Variants in CLASP1 observed in about 807,000 individuals in gnomAD.
CLASP1 encodes the protein cytoplasmic linker associated protein 1, also known as CLIP-associating protein 1.
Under a neutral mutation model 192.3 loss-of-function variants are expected in CLASP1, and 38 were observed. The ratio of observed to expected loss-of-function variants is 0.20; its 90% CI spans 0.15 to 0.26. The LOEUF (loss-of-function observed/expected upper bound fraction) is 0.26, where lower values mean the gene tolerates loss of function less well. CLASP1 is among the 10% of genes least tolerant of loss of function. CLASP1 has a pLI of 1.00. For synonymous variants in CLASP1, 691 were observed against 712.8 expected (o/e 0.97, Z 0.49); for missense variants, 1,433 against 1,932.5 (o/e 0.74, Z 4.85).
At chr2:121,495,551 C>G (rs1413603340) in intron 8 of CLASP1, among the ~76,000 whole-genome samples, 2 of 151,568 alleles carry the variant, frequency 1.3e-5, no homozygotes, top group East Asian at 3.9e-4. Flanking sequence ...ATCCCAGCTA[C>G]TTGGGAGGCT....
rs2089230921 is a variant in CLASP1 at position 121,465,043 on chromosome 2, A to G, written c.866-2438T>C. Among the ~76,000 whole-genome samples the G allele has an allele frequency of 2.0e-5, 3 of 152,212 alleles. No individual in the cohort carries two copies. The South Asian group carries it at 6.2e-4, about 32-fold the overall frequency. ...CTCAAAATCATAAGAGCTATCTATG[A>G]CAAACCCACAGCCAATATCATGCTG... On this transcript the variant is annotated intron_variant, in intron 9 of 39. Transcript: ENST00000263710.
chr2:121,588,514 T>C (rs2061994802), intron 2 of CLASP1, among the ~76,000 whole-genome samples: 1 of 151,994 alleles, frequency 6.6e-6, no homozygotes. Flanking sequence ...ATAATGAAGA[T>C]CATCAGAAGA....
At chr2:121,560,613 C>G (rs111353159) in intron 2 of CLASP1, among the ~76,000 whole-genome samples, 1 of 152,166 alleles carries the variant, frequency 6.6e-6, no homozygotes, top group Non-Finnish European at 1.5e-5. Flanking sequence ...CTCTGCTCCA[C>G]GGTTATTTCC....
chr2:121,349,076 TA>T (rs1389580231), intron 37 of CLASP1, among the ~76,000 whole-genome samples: 1 of 151,794 alleles, frequency 6.6e-6, no homozygotes, highest in African/African-American at 2.4e-5. Flanking sequence ...CCATCTCTAC[TA>T]AAAATACAAA....
rs977261398 is a variant in CLASP1, at chr2:121,635,170, C to T, written c.-286+14202G>A. Among the ~76,000 whole-genome samples the T allele has an allele frequency of 2.7e-5, 4 of 149,988 alleles. No individual in the cohort carries two copies. The East Asian group carries it at 7.8e-4, about 29-fold the overall frequency. On this transcript the variant is annotated intron_variant, in intron 1 of 39. Transcript: ENST00000263710. ...AGCAGTGAGCTATGATCACACCACA[C>T]TGCACTCCAACACGGGCAACAAAGC...
chr2:121,450,131 A>G (rs962524962), intron 16 of CLASP1, among the ~76,000 whole-genome samples: 2 of 152,252 alleles, frequency 1.3e-5, no homozygotes, highest in Admixed American at 1.3e-4. Context: ...GGAGATCGAG[A>G]CTATCCTGGC....
intron 8 of CLASP1, among the ~76,000 whole-genome samples, chr2:121,482,007 T>G (rs1314075081): frequency 1.3e-5 from 2 of 152,080 alleles, no homozygotes; most frequent in Non-Finnish European, 2.9e-5. Flanking sequence ...GCCAAACAAA[T>G]TTAGAAAGGA....
chr2:121,425,270 C>T (rs1181320491), exon 22 of CLASP1: 1 of 1,612,634 alleles, frequency 6.2e-7, no homozygotes, highest in Non-Finnish European at 8.5e-7. Flanking sequence ...ATAACCACTT[C>T]CCAACAATTT....
chr2:121,402,674 C>T (rs775180365), intron 26 of CLASP1: 2 of 518,656 alleles, frequency 3.9e-6, no homozygotes, highest in East Asian at 1.1e-4. Context: ...CTAGGGGTGA[C>T]AGGTAACAGA....
intron 2 of CLASP1, among the ~76,000 whole-genome samples, chr2:121,549,469 T>A (rs571014200): frequency 2.6e-5 from 4 of 152,098 alleles, no homozygotes; most frequent in Non-Finnish European, 5.9e-5. Context: ...CAAAGAGATT[T>A]ACACTCCCAC....
intron 8 of CLASP1, among the ~76,000 whole-genome samples, chr2:121,495,183 C>T (rs1348341360): frequency 1.3e-5 from 2 of 151,890 alleles, no homozygotes; most frequent in East Asian, 3.9e-4. Flanking sequence ...ATTAGCTGGG[C>T]GTGGTGGCAG....
At chr2:121,528,040 AATG>A (rs2094623367) in intron 4 of CLASP1, 150 bp from the exon 5 acceptor site, 4 of 596,918 alleles carry the variant, frequency 6.7e-6, no homozygotes, top group Non-Finnish European at 1.2e-5. Flanking sequence ...CATACTGGAA[AATG>A]ATGACATCTA....
intron 1 of CLASP1, among the ~76,000 whole-genome samples, chr2:121,610,429 G>C (rs983257828): frequency 6.6e-6 from 1 of 151,006 alleles, no homozygotes; most frequent in Middle Eastern, 3.4e-3. Context: ...ACTAGAGGAG[G>C]AGGAGGAGTT....
At chr2:121,559,124 A>T (rs938260215) in intron 2 of CLASP1, among the ~76,000 whole-genome samples, 10 of 152,198 alleles carry the variant, frequency 6.6e-5, no homozygotes, top group African/African-American at 2.4e-4. Context: ...TGCAAACAAC[A>T]TGGCTCATGA....
At chr2:121,620,796 T>C (rs1559792374) in intron 1 of CLASP1, among the ~76,000 whole-genome samples, 1 of 152,262 alleles carries the variant, frequency 6.6e-6, no homozygotes. Context: ...ATAAAAGTCC[T>C]TTATCAGATA....
At chr2:121,527,319 T>G (rs1260893803) in intron 5 of CLASP1, among the ~76,000 whole-genome samples, 1 of 152,184 alleles carries the variant, frequency 6.6e-6, no homozygotes, top group Non-Finnish European at 1.5e-5. Context: ...AAATGAACTA[T>G]CAAATGTCAG....
intron 7 of CLASP1, among the ~76,000 whole-genome samples, chr2:121,507,440 T>C (rs767294535): frequency 3.3e-5 from 5 of 152,066 alleles, no homozygotes; most frequent in Non-Finnish European, 7.4e-5. Context: ...GTCTAAGAGA[T>C]CATCTTACAA....
At chr2:121,510,754 T>C (rs1044757841) in intron 7 of CLASP1, among the ~76,000 whole-genome samples, 6 of 151,514 alleles carry the variant, frequency 4.0e-5, no homozygotes, top group African/African-American at 1.5e-4. Context: ...GCAATGATCA[T>C]GTCATTGCAC....
chr2:121,418,387 C>T (rs2078951724), intron 23 of CLASP1, among the ~76,000 whole-genome samples: 1 of 152,202 alleles, frequency 6.6e-6, no homozygotes, highest in Non-Finnish European at 1.5e-5. Context: ...CAAGTGGTCA[C>T]AATGACAACA....
Sources: gnomAD v4.1 joint callset for allele counts (sites outside exome capture counted in the v4.1 genomes callset) on GRCh38, gnomAD v4.1.1 for gene constraint, MANE v1.5 for transcripts, NCBI Gene and HGNC (gene_info 2026-07-23, HGNC 2026-07-21) for gene names.